EYS: variants seen among roughly 807,000 people sequenced by gnomAD.
EYS encodes protein eyes shut homolog.
EYS carries 250 observed loss-of-function variants against 282.1 expected under a neutral mutation model. The ratio of observed to expected loss-of-function variants is 0.89; its 90% confidence interval spans 0.80 to 0.98. The LOEUF (loss-of-function observed/expected upper bound fraction) is 0.98, where lower values mean the gene tolerates loss of function less well. Ranked by LOEUF, EYS falls within the 50% of genes least tolerant of loss-of-function variation. The pLI is 0.00. For missense variants in EYS, 4,016 were observed against 3,709.0 expected, an observed-to-expected ratio of 1.08 and a Z score of -2.15; for synonymous variants, 1,355 against 1,282.9, an observed-to-expected ratio of 1.06 and a Z score of -1.20.
At chr6:65,612,533 C>A (rs1766036938) in intron 2 of EYS, among the ~76,000 whole-genome samples, 1 of 151,634 alleles carries the variant, frequency 6.6e-6, no homozygotes, top group Non-Finnish European at 1.5e-5. Flanking sequence ...TTCTCATGAA[C>A]AAATTCCTAA....
intron 22 of EYS, among the ~76,000 whole-genome samples, chr6:64,784,254 C>T (rs1382697269): frequency 6.6e-6 from 1 of 151,676 alleles, no homozygotes; most frequent in East Asian, 1.9e-4. Flanking sequence ...CTTCCTTCTA[C>T]TATCTTTAAA....
chr6:64,344,064 A>C (rs994359802), intron 29 of EYS, among the ~76,000 whole-genome samples: 1 of 152,164 alleles, frequency 6.6e-6, no homozygotes, highest in Non-Finnish European at 1.5e-5. Flanking sequence ...GCAATAATTA[A>C]TAGCTTACCA....
At chr6:64,994,658 A>C (rs563674147) in intron 14 of EYS, among the ~76,000 whole-genome samples, 1 of 152,158 alleles carries the variant, frequency 6.6e-6, no homozygotes, top group Non-Finnish European at 1.5e-5. Flanking sequence ...TTCTTTTACC[A>C]ATGAGTTAGT....
chr6:64,204,591 T>C (rs902721601), intron 31 of EYS, among the ~76,000 whole-genome samples: 1 of 152,124 alleles, frequency 6.6e-6, no homozygotes, highest in East Asian at 1.9e-4. Context: ...ACTTGCATAG[T>C]AGTACATACA....
At chr6:64,346,619 G>A (rs1282755889) in intron 29 of EYS, among the ~76,000 whole-genome samples, 1 of 151,648 alleles carries the variant, frequency 6.6e-6, no homozygotes, top group Non-Finnish European at 1.5e-5. Context: ...TAGTTAATGG[G>A]TGCAGTACAC....
At chr6:64,647,985 T>C (rs1281174355) in intron 22 of EYS, among the ~76,000 whole-genome samples, 1 of 152,208 alleles carries the variant, frequency 6.6e-6, no homozygotes, top group African/African-American at 2.4e-5. Flanking sequence ...ATTGATGTGG[T>C]CATGCCAATC....
chr6:64,081,744 A>C (rs998062149), intron 32 of EYS, 112 bp downstream of exon 32: 2 of 862,130 alleles, frequency 2.3e-6, no homozygotes, highest in African/African-American at 3.5e-5. Flanking sequence ...TGCTTCATGC[A>C]CTGGTCTGGA....
At chr6:63,916,503 A>C (rs1051849911) in intron 35 of EYS, among the ~76,000 whole-genome samples, 2 of 152,084 alleles carry the variant, frequency 1.3e-5, no homozygotes, top group African/African-American at 4.8e-5. Context: ...CTTTTTGGCC[A>C]TTTGTGTGTT....
chr6:64,026,328 A>G (rs1231341140), intron 33 of EYS, among the ~76,000 whole-genome samples: 3 of 152,182 alleles, frequency 2.0e-5, no homozygotes, highest in Admixed American at 6.5e-5. Context: ...AACAAAACAA[A>G]CCAAAACCAT....
At chr6:65,494,060 T>C (rs1414322208) in intron 4 of EYS, among the ~76,000 whole-genome samples, 1 of 152,118 alleles carries the variant, frequency 6.6e-6, no homozygotes, top group African/African-American at 2.4e-5. Flanking sequence ...TAATCTTATG[T>C]TTTAATGTAT....
chr6:64,554,984 G>A (rs1765193474), intron 26 of EYS, among the ~76,000 whole-genome samples: 1 of 151,876 alleles, frequency 6.6e-6, no homozygotes, highest in African/African-American at 2.4e-5. Context: ...ATTAAAAATA[G>A]CACTACCATA....
chr6:63,721,544 T>C lies in EYS; in HGVS notation c.8487A>G (p.Leu2829=), dbSNP rs532257188. 6.4e-7 allele frequency: 1 copy of C among 1,551,724 alleles called. No individual in the cohort carries two copies. Among genetic ancestry groups the C allele is most frequent in the East Asian group, 2.4e-5 (1 of 40,914 alleles). Residue 2829 remains leucine, a synonymous_variant, in exon 43 of 43, where the codon TTA becomes TTG. Coordinates refer to ENST00000503581, the MANE Select transcript of EYS (RefSeq NM_001142800.2). ...CTATTGCCATGGGATTTACAAGATT[T>C]AAAGAAGATACTCCTCCAATATAGA... The part of the protein sequence containing the change: ...TDFYIGGVSS[L]NLVNPMAIEN...
intron 27 of EYS, among the ~76,000 whole-genome samples, chr6:64,438,806 A>C (rs1185759731): frequency 1.3e-5 from 2 of 151,662 alleles, no homozygotes; most frequent in Non-Finnish European, 3.0e-5. Flanking sequence ...TCTGAATGAT[A>C]TTCTAATTAG....
At chr6:64,151,363 A>ATATATATTTATATATATATAT (rs1491135650) in intron 31 of EYS, among the ~76,000 whole-genome samples, 1 of 62,854 alleles carries the variant, frequency 1.6e-5, no homozygotes, top group African/African-American at 7.1e-5. Flanking sequence ...ATATATATAT[A>ATATATATTTATATATATATAT]ATTTTTTTTT....
chr6:64,075,229 C>A (rs931067150), intron 32 of EYS, among the ~76,000 whole-genome samples: 3 of 151,880 alleles, frequency 2.0e-5, no homozygotes, highest in African/African-American at 7.3e-5. Flanking sequence ...CAGCTTACAG[C>A]AACAATGATG....
At chr6:63,839,748 T>G (rs1169444347) in intron 36 of EYS, among the ~76,000 whole-genome samples, 1 of 152,224 alleles carries the variant, frequency 6.6e-6, no homozygotes, top group African/African-American at 2.4e-5. Context: ...GCAGTGGAAC[T>G]GTTGAATCAC....
At chr6:65,562,022 A>T (rs900226404) in intron 2 of EYS, among the ~76,000 whole-genome samples, 2 of 151,468 alleles carry the variant, frequency 1.3e-5, no homozygotes, top group Admixed American at 6.6e-5. Context: ...TTATATAAAC[A>T]TGCTATATAT....
chr6:64,641,987 G>A (rs1768174682), intron 22 of EYS, among the ~76,000 whole-genome samples: 1 of 152,176 alleles, frequency 6.6e-6, no homozygotes, highest in African/African-American at 2.4e-5. Context: ...AAAAAGGTTG[G>A]GGACTGCTGG....
intron 35 of EYS, among the ~76,000 whole-genome samples, chr6:63,967,634 A>G (rs1766370745): frequency 6.6e-6 from 1 of 152,196 alleles, no homozygotes; most frequent in African/African-American, 2.4e-5. Flanking sequence ...ACCATGTTTC[A>G]TTTGGTTCTG....
Sources: allele counts gnomAD v4.1 joint callset (sites outside exome capture counted in the v4.1 genomes callset), GRCh38; gene constraint gnomAD v4.1.1; transcripts MANE v1.5; gene names NCBI Gene and HGNC (gene_info 2026-07-23, HGNC 2026-07-21).